CSMD1: variants seen among roughly 807,000 people sequenced by gnomAD.
The protein encoded by CSMD1 is CUB and Sushi multiple domains 1.
In CSMD1, 213 loss-of-function variants were observed where a neutral mutation model predicts 417.5. The ratio of observed to expected loss-of-function variants is 0.51; its 90% CI spans 0.46 to 0.57. The LOEUF is 0.57. Ranked by LOEUF, CSMD1 falls within the 20% of genes least tolerant of loss-of-function variation. The pLI, the probability that CSMD1 is intolerant of heterozygous loss-of-function variation, is 0.00. For synonymous variants in CSMD1, 2,862 were observed against 1,736.8 expected (o/e 1.65, Z -16.11); for missense variants, 6,923 against 4,529.7 (o/e 1.53, Z -15.17).
intron 31 of CSMD1, among the ~76,000 whole-genome samples, chr8:3,203,356 C>G (rs1391296746): frequency 6.6e-6 from 1 of 152,006 alleles, no homozygotes; most frequent in Non-Finnish European, 1.5e-5. Flanking sequence ...ACTCAATTGC[C>G]AAGAGAGAAA....
At chr8:3,273,249 T>C (rs1802007339) in intron 26 of CSMD1, among the ~76,000 whole-genome samples, 3 of 151,706 alleles carry the variant, frequency 2.0e-5, no homozygotes, top group Admixed American at 6.6e-5. Context: ...GATTTGCGTA[T>C]ATTGAACTAG....
chr8:4,053,900 ATAAT>A (rs1462827959), intron 3 of CSMD1, among the ~76,000 whole-genome samples: 17 of 152,218 alleles, frequency 1.1e-4, no homozygotes, highest in Admixed American at 7.9e-4. Flanking sequence ...ATCATAAATA[ATAAT>A]TAAGGGAAAA....
At chr8:4,705,311 T>G (rs1807856838) in intron 1 of CSMD1, among the ~76,000 whole-genome samples, 3 of 152,134 alleles carry the variant, frequency 2.0e-5, no homozygotes, top group South Asian at 4.1e-4. Flanking sequence ...AAATAACACA[T>G]AGTTCTATGT....
intron 1 of CSMD1, among the ~76,000 whole-genome samples, chr8:4,649,395 G>A (rs1326442434): frequency 6.6e-6 from 1 of 152,138 alleles, no homozygotes; most frequent in Non-Finnish European, 1.5e-5. Context: ...GATCTTGAAA[G>A]ACAGGCATTA....
chr8:3,141,898 C>G (rs553783600), intron 41 of CSMD1, among the ~76,000 whole-genome samples: 8 of 151,698 alleles, frequency 5.3e-5, no homozygotes, highest in South Asian at 4.2e-4. Flanking sequence ...CCCGGGTTCA[C>G]GCCACTCTCC....
chr8:4,736,763 G>A (rs772517961), intron 1 of CSMD1, among the ~76,000 whole-genome samples: 10 of 152,300 alleles, frequency 6.6e-5, no homozygotes, highest in Non-Finnish European at 1.0e-4. Context: ...CAGGTTTCAT[G>A]TTTGTGTCCC....
intron 20 of CSMD1, among the ~76,000 whole-genome samples, chr8:3,365,192 C>G (rs1377522308): frequency 1.3e-5 from 2 of 152,116 alleles, no homozygotes; most frequent in Non-Finnish European, 2.9e-5. Flanking sequence ...TATAAAGTGG[C>G]AAGTTTCATG....
intron 3 of CSMD1, among the ~76,000 whole-genome samples, chr8:4,296,136 C>A (rs749781693): frequency 6.6e-6 from 1 of 152,010 alleles, no homozygotes; most frequent in South Asian, 2.1e-4. Flanking sequence ...CAATAAGAAG[C>A]GAAAATGGAA....
chr8:3,032,320 T>C (rs762446946), intron 50 of CSMD1, among the ~76,000 whole-genome samples: 3 of 151,970 alleles, frequency 2.0e-5, no homozygotes, highest in Non-Finnish European at 2.9e-5. Context: ...CCAAATAATA[T>C]AAACCAAGAG....
intron 3 of CSMD1, among the ~76,000 whole-genome samples, chr8:4,039,849 C>T (rs1797797204): frequency 6.6e-6 from 1 of 152,128 alleles, no homozygotes; most frequent in African/African-American, 2.4e-5. Context: ...GTTTCTGCTC[C>T]AGAAAGTGAT....
At chr8:4,212,571 G>T (rs1225239271) in intron 3 of CSMD1, among the ~76,000 whole-genome samples, 1 of 151,626 alleles carries the variant, frequency 6.6e-6, no homozygotes, top group Admixed American at 6.6e-5. Flanking sequence ...AAGAATAGTT[G>T]ATCAAGGCCT....
chr8:3,669,657 A>G (rs1798887426), intron 7 of CSMD1, among the ~76,000 whole-genome samples: 1 of 152,138 alleles, frequency 6.6e-6, no homozygotes, highest in Non-Finnish European at 1.5e-5. Context: ...TATTAACTCA[A>G]CAGATGTTAG....
chr8:3,370,992 A>T (rs1809910743), intron 18 of CSMD1, among the ~76,000 whole-genome samples: 1 of 151,308 alleles, frequency 6.6e-6, no homozygotes, highest in Non-Finnish European at 1.5e-5. Flanking sequence ...AAAAAGGCAG[A>T]GTAAAGAAAA....
At chr8:3,022,501 C>T (rs78532949) in intron 51 of CSMD1, among the ~76,000 whole-genome samples, 3,273 of 152,238 alleles carry the variant, frequency 0.021, 123 homozygotes, top group African/African-American at 0.076. Flanking sequence ...TTTGTCTCTC[C>T]TTCAATTCTA....
At chr8:4,640,158 C>G (rs905848894) in intron 1 of CSMD1, among the ~76,000 whole-genome samples, 2 of 152,186 alleles carry the variant, frequency 1.3e-5, no homozygotes, top group African/African-American at 4.8e-5. Context: ...AGGCTGCATT[C>G]AGGGTACTAA....
intron 8 of CSMD1, among the ~76,000 whole-genome samples, chr8:3,597,920 G>A (rs948829533): frequency 1.3e-5 from 2 of 152,114 alleles, no homozygotes; most frequent in African/African-American, 4.8e-5. Flanking sequence ...AACCAACATG[G>A]CACATATATA....
At chr8:4,626,875 G>A (rs141635577) in intron 2 of CSMD1, among the ~76,000 whole-genome samples, 7 of 152,224 alleles carry the variant, frequency 4.6e-5, no homozygotes, top group African/African-American at 9.6e-5. Flanking sequence ...AGAAAATCAA[G>A]TGAAATACTT....
intron 3 of CSMD1, among the ~76,000 whole-genome samples, chr8:4,212,173 T>TA (rs1800352105): frequency 7.0e-6 from 1 of 141,964 alleles, no homozygotes; most frequent in African/African-American, 2.9e-5. Context: ...CACTTCCCTA[T>TA]TTATATATAT....
intron 37 of CSMD1, among the ~76,000 whole-genome samples, chr8:3,170,715 T>A (rs1334544939): frequency 6.6e-6 from 1 of 152,224 alleles, no homozygotes; most frequent in African/African-American, 2.4e-5. Flanking sequence ...TTCATAAATA[T>A]GTGAAGATCA....
Sources: allele counts gnomAD v4.1 joint callset (sites outside exome capture counted in the v4.1 genomes callset), GRCh38; gene constraint gnomAD v4.1.1; transcripts MANE v1.5; gene names NCBI Gene and HGNC (gene_info 2026-07-23, HGNC 2026-07-21).